Variants in TSPAN9 observed in about 807,000 individuals in gnomAD.
TSPAN9 encodes tetraspanin 9, also known as tetraspanin-9.
TSPAN9 carries 16 observed loss-of-function variants against 31.0 expected under a neutral mutation model. That is an observed-to-expected ratio of 0.52 (90% CI 0.35 to 0.78). TSPAN9 has a LOEUF of 0.78. Ranked by LOEUF, TSPAN9 falls within the 30% of genes least tolerant of loss-of-function variation. The pLI is 0.01. For missense variants in TSPAN9, 272 were observed against 312.5 expected (o/e 0.87, Z 0.98); for synonymous variants, 145 against 121.6 (o/e 1.19, Z -1.27).
intron 2 of TSPAN9, among the ~76,000 whole-genome samples, chr12:3,127,036 A>G (rs904796013): frequency 1.3e-5 from 2 of 152,152 alleles, no homozygotes; most frequent in Non-Finnish European, 2.9e-5. Context: ...TTGCCTCCCA[A>G]GTAGCTGGGA....
chr12:3,208,042 C>T (rs890641229), intron 3 of TSPAN9, among the ~76,000 whole-genome samples: 5 of 152,230 alleles, frequency 3.3e-5, no homozygotes, highest in African/African-American at 1.2e-4. Flanking sequence ...GCAGGAGGTG[C>T]TGTGTGCATG....
chr12:3,148,651 G>C (rs2098338434), intron 2 of TSPAN9, among the ~76,000 whole-genome samples: 1 of 152,252 alleles, frequency 6.6e-6, no homozygotes, highest in Non-Finnish European at 1.5e-5. Flanking sequence ...CTGCCTGAAA[G>C]GGACCAGGAG....
intron 2 of TSPAN9, among the ~76,000 whole-genome samples, chr12:3,167,411 T>C (rs2098349078): frequency 6.6e-6 from 1 of 152,202 alleles, no homozygotes; most frequent in African/African-American, 2.4e-5. Flanking sequence ...GGTAAACATA[T>C]AACTTGAGTG....
chr12:3,110,984 T>C (rs1406746055), intron 2 of TSPAN9, among the ~76,000 whole-genome samples: 2 of 152,214 alleles, frequency 1.3e-5, no homozygotes, highest in East Asian at 3.8e-4. Context: ...CTACAGCTTT[T>C]ACAACCTTCT....
At chr12:3,119,143 C>A (rs1489976472) in intron 2 of TSPAN9, among the ~76,000 whole-genome samples, 1 of 152,154 alleles carries the variant, frequency 6.6e-6, no homozygotes, top group Non-Finnish European at 1.5e-5. Context: ...TCCCTGACCC[C>A]ACACTGGACA....
intron 1 of TSPAN9, among the ~76,000 whole-genome samples, chr12:3,081,893 AG>A (rs1275978254): frequency 1.4e-5 from 2 of 147,734 alleles, no homozygotes; most frequent in Non-Finnish European, 3.0e-5. Context: ...CTATGGTCCC[AG>A]CTGGAGGTGG....
At chr12:3,211,091 T>G (rs1011997018) in intron 3 of TSPAN9, among the ~76,000 whole-genome samples, 3 of 151,766 alleles carry the variant, frequency 2.0e-5, no homozygotes, top group African/African-American at 7.3e-5. Flanking sequence ...CGCAACATAA[T>G]CAGTGCCTGT....
rs919878401 is a variant in TSPAN9, at chr12:3,143,275, A to G, written c.-17-57902A>G. 1.3e-5 allele frequency among the ~76,000 whole-genome samples: 2 copies of G among 148,328 alleles called. No individual in the cohort carries two copies. The highest frequency in any genetic ancestry group is 3.0e-5 in the Non-Finnish European group (2 of 67,278). ...ATTTATAGTTATATTAATCATAATT[A>G]ATAATATTTATAATTATATTAATTA... On this transcript the variant is annotated intron_variant, in intron 2 of 8. Transcript: ENST00000011898. The surrounding 1 kb of genome is among the most constrained non-coding windows in gnomAD (Gnocchi z 4.2).
intron 3 of TSPAN9, among the ~76,000 whole-genome samples, chr12:3,270,691 C>T (rs577530749): frequency 6.6e-6 from 1 of 152,348 alleles, no homozygotes; most frequent in South Asian, 2.1e-4. Context: ...GGTGACTGGG[C>T]ATTTATCCCA....
chr12:3,118,255 CGTTTTT>C (rs1197652623), intron 2 of TSPAN9, among the ~76,000 whole-genome samples: 260 of 20,106 alleles, frequency 0.013, 4 homozygotes, highest in Middle Eastern at 0.031. Context: ...CTGCACCCGC[CGTTTTT>C]TTTTTTTTTT....
chr12:3,082,196 A>G (rs1333835487), intron 1 of TSPAN9, among the ~76,000 whole-genome samples: 1 of 152,194 alleles, frequency 6.6e-6, no homozygotes, highest in Non-Finnish European at 1.5e-5. Flanking sequence ...ATTGAGGAGC[A>G]CCATTGCATG....
chr12:3,148,914 G>T (rs1234160625), intron 2 of TSPAN9, among the ~76,000 whole-genome samples: 1 of 152,206 alleles, frequency 6.6e-6, no homozygotes, highest in Non-Finnish European at 1.5e-5. Flanking sequence ...CCTCTCGGGC[G>T]TGCCTGGCCG....
chr12:3,089,501 TGGCC>T (rs1419842618), intron 2 of TSPAN9, among the ~76,000 whole-genome samples: 3 of 151,812 alleles, frequency 2.0e-5, no homozygotes, highest in Admixed American at 6.6e-5. Flanking sequence ...TTTACCGTGT[TGGCC>T]AGGGTGGTCT....
intron 3 of TSPAN9, among the ~76,000 whole-genome samples, chr12:3,208,128 G>C (rs1337204051): frequency 6.6e-6 from 1 of 152,212 alleles, no homozygotes; most frequent in African/African-American, 2.4e-5. Context: ...TAGTATTACT[G>C]TCGCTCCTGC....
intron 3 of TSPAN9, among the ~76,000 whole-genome samples, chr12:3,219,429 C>A (rs113566202): frequency 3.3e-5 from 5 of 152,142 alleles, no homozygotes; most frequent in Non-Finnish European, 5.9e-5. Flanking sequence ...GCCGCAGTAC[C>A]GACCCCCATC....
chr12:3,252,108 C>T (rs1320560730), intron 3 of TSPAN9, among the ~76,000 whole-genome samples: 1 of 152,068 alleles, frequency 6.6e-6, no homozygotes, highest in Non-Finnish European at 1.5e-5. Flanking sequence ...GGGGCAGACC[C>T]CATGAACCAT....
intron 3 of TSPAN9, among the ~76,000 whole-genome samples, chr12:3,254,230 T>C (rs563368773): frequency 6.6e-5 from 10 of 152,326 alleles, no homozygotes; most frequent in Admixed American, 1.3e-4. Context: ...CTTTGTTTTA[T>C]TGGGGTCAGG....
At position 3,144,705 on chromosome 12, in the gene TSPAN9, G is replaced by A. The variant is rs191246592; in HGVS notation, c.-17-56472G>A. On this transcript the variant is annotated intron_variant, in intron 2 of 8. Transcript: ENST00000011898. ...GGTTTCTAGTGGGGGTTGCAGGTGCGGGCAGCTTCTGTCAGGCTCCTGCCT... is the reference window on the plus strand; with the variant it reads ...GGTTTCTAGTGGGGGTTGCAGGTGCAGGCAGCTTCTGTCAGGCTCCTGCCT... Among the ~76,000 whole-genome samples the A allele has an allele frequency of 1.6e-4, 25 of 152,310 alleles. No individual in the cohort carries two copies. In the East Asian group the frequency reaches 3.1e-3, roughly 19 times the overall value.
chr12:3,125,953 C>T (rs555024875), intron 2 of TSPAN9, among the ~76,000 whole-genome samples: 16 of 152,254 alleles, frequency 1.1e-4, no homozygotes, highest in Admixed American at 8.5e-4. Flanking sequence ...TGAATGCTGG[C>T]CTTTGTGGCA....
Sources: allele counts gnomAD v4.1 joint callset (sites outside exome capture counted in the v4.1 genomes callset), GRCh38; gene constraint gnomAD v4.1.1; non-coding constraint Gnocchi (gnomAD v3.1); transcripts MANE v1.5; gene names NCBI Gene and HGNC (gene_info 2026-07-23, HGNC 2026-07-21).